The following ACTN4 variants were observed in gnomAD, a reference collection of about 807,000 sequenced individuals.
ACTN4 encodes the protein alpha-actinin-4.
ACTN4 carries 18 observed loss-of-function variants against 114.2 expected under a neutral mutation model. That is an observed-to-expected ratio of 0.16 (90% confidence interval 0.11 to 0.23). ACTN4 has a LOEUF of 0.23. Ranked by LOEUF, ACTN4 falls within the 10% of genes least tolerant of loss-of-function variation. ACTN4 has a pLI of 1.00. For synonymous variants in ACTN4, 515 were observed against 506.3 expected (o/e 1.02, Z -0.23); for missense variants, 722 against 1,262.9 (o/e 0.57, Z 6.49).
At chr19:38,659,259 C>T (rs916444298) in intron 1 of ACTN4, among the ~76,000 whole-genome samples, 5 of 151,926 alleles carry the variant, frequency 3.3e-5, no homozygotes, top group Admixed American at 1.3e-4. Context: ...CGGAGTTTCA[C>T]CATGTTGGCC....
intron 11 of ACTN4, among the ~76,000 whole-genome samples, chr19:38,719,270 A>G (rs1030395867): frequency 1.3e-5 from 2 of 152,062 alleles, no homozygotes; most frequent in African/African-American, 4.8e-5. Flanking sequence ...CCTTCCCAAC[A>G]CAGTCTCCCT....
At chr19:38,687,902 C>CTG (rs1395926892) in intron 1 of ACTN4, among the ~76,000 whole-genome samples, 1 of 152,136 alleles carries the variant, frequency 6.6e-6, no homozygotes, top group Non-Finnish European at 1.5e-5. Context: ...ATAAAGGACT[C>CTG]TTAAATTCAA....
chr19:38,673,297 G>A (rs1334738257), intron 1 of ACTN4, among the ~76,000 whole-genome samples: 1 of 150,984 alleles, frequency 6.6e-6, no homozygotes, highest in Non-Finnish European at 1.5e-5. Flanking sequence ...TAAACAAGGT[G>A]CTGAGTAATG....
rs1599767628 is a variant in ACTN4, at chr19:38,663,677, G to A, written c.162+15770G>A. The stretch of plus-strand genomic sequence containing the variant: ...TTCTTAGCTGCCTCTTTGGAGTAGC[G>A]CTACCAGTTCCTGTCCCCATGAGCA... On this transcript the variant is annotated intron_variant, in intron 1 of 20. Coordinates refer to ENST00000252699, the MANE Select transcript of ACTN4 (RefSeq NM_004924.6). Among the ~76,000 whole-genome samples, 7 of 152,306 alleles carry A rather than the reference G, an allele frequency of 4.6e-5. 1 individual carries two copies. In the South Asian group the frequency reaches 1.5e-3, roughly 32 times the overall value.
chr19:38,727,162 A>G lies in ACTN4; in HGVS notation c.2337+59A>G, dbSNP rs1465269186. ...TCCCGCCGTTGCCGTACCAGCCCAC[A>G]CCTTCGTCTCTGCATCTGTTCGTCC... On this transcript the variant is annotated intron_variant, in intron 18 of 20. Transcript: ENST00000252699. The surrounding 1 kb of genome is among the most constrained non-coding windows in gnomAD (Gnocchi z 5.4). 7 of 1,610,770 alleles carry G rather than the reference A, an allele frequency of 4.3e-6. No homozygotes were observed. Among genetic ancestry groups the G allele is most frequent in the African/African-American group, 1.3e-5 (1 of 74,664 alleles).
intron 19 of ACTN4, among the ~76,000 whole-genome samples, 189 bp from the exon 20 acceptor site, chr19:38,728,807 G>A (rs982931745): frequency 2.0e-5 from 3 of 152,212 alleles, no homozygotes; most frequent in African/African-American, 4.8e-5. Context: ...TGGAGGCCTG[G>A]GTCAGCTGGA....
At chr19:38,662,677 G>A (rs935316461) in intron 1 of ACTN4, among the ~76,000 whole-genome samples, 4 of 152,184 alleles carry the variant, frequency 2.6e-5, no homozygotes, top group Non-Finnish European at 5.9e-5. Context: ...TGTCGGATTA[G>A]GTTGAGTCCT....
chr19:38,654,561 C>CAAAAAA (rs35967763), intron 1 of ACTN4, among the ~76,000 whole-genome samples: 1 of 96,338 alleles, frequency 1.0e-5, no homozygotes, highest in African/African-American at 4.0e-5. Context: ...GGCTCCGTCT[C>CAAAAAA]AAAAAAAAAA....
intron 13 of ACTN4, 107 bp from the exon 14 acceptor site, chr19:38,723,830 G>A: frequency 1.4e-6 from 2 of 1,479,198 alleles, no homozygotes; most frequent in Non-Finnish European, 1.9e-6. Flanking sequence ...CCCACGGAGA[G>A]GATGTTCTCT....
chr19:38,689,242 A>C lies in ACTN4; in HGVS notation c.163-11358A>C, dbSNP rs559042436. Among the ~76,000 whole-genome samples the C allele has an allele frequency of 2.6e-5, 4 of 152,388 alleles. No homozygotes were observed. In the South Asian group the frequency reaches 8.3e-4, roughly 32 times the overall value. ...ATATCCATACAATGGAATGTTATTCAGACAGGAACGAAGTACTGGTACATG... is the reference window on the plus strand; with the variant it reads ...ATATCCATACAATGGAATGTTATTCCGACAGGAACGAAGTACTGGTACATG... On this transcript the variant is annotated intron_variant, in intron 1 of 20. Coordinates refer to ENST00000252699, the MANE Select transcript of ACTN4 (RefSeq NM_004924.6).
intron 1 of ACTN4, among the ~76,000 whole-genome samples, chr19:38,677,093 A>G (rs1352403073): frequency 6.6e-6 from 1 of 152,024 alleles, no homozygotes; most frequent in African/African-American, 2.4e-5. Flanking sequence ...CTTTCGCCTC[A>G]GCTCGCCACC....
chr19:38,693,271 AC>A lies in ACTN4; in HGVS notation c.163-7325del, dbSNP rs147136867. On this transcript the variant is annotated intron_variant, in intron 1 of 20. Transcript: ENST00000252699. ...TACACAGTGCAGAGCCGGCATGCTCACCCCTCCTGAGGGATCGCTCGAGCCT... is the reference window on the plus strand; with the variant it reads ...TACACAGTGCAGAGCCGGCATGCTCACCCTCCTGAGGGATCGCTCGAGCCT... Among the ~76,000 whole-genome samples, 248 of 150,398 alleles carry A rather than the reference AC, an allele frequency of 1.6e-3. 1 individual carries two copies. The highest frequency in any genetic ancestry group is 5.9e-3 in the African/African-American group (239 of 40,798).
chr19:38,661,573 T>A (rs1479656967), intron 1 of ACTN4, among the ~76,000 whole-genome samples: 2 of 152,234 alleles, frequency 1.3e-5, no homozygotes, highest in Non-Finnish European at 2.9e-5. Flanking sequence ...ATGTTGAGTC[T>A]CCTTCTTTGA....
In ACTN4 at chr19:38,730,232, A is replaced by C. The variant is rs1446735723; in HGVS notation, c.*800A>C. On this transcript the variant is annotated 3_prime_UTR_variant, in exon 21 of 21. Transcript: ENST00000252699. ...CTTTATTAACTTACGGATTTATTAT[A>C]TAAATATATATTCACCTAGCAACAT... 5 of 157,390 alleles carry C rather than the reference A, an allele frequency of 3.2e-5. No individual in the cohort carries two copies. Among genetic ancestry groups the C allele is most frequent in the African/African-American group, 1.2e-4 (5 of 41,388 alleles). 9.7% of individuals were successfully genotyped at this position (157,390 alleles called of 1,614,324 possible). A position where few individuals can be genotyped will look rare whatever the true frequency, so the allele number is the denominator to read the frequency against.
At chr19:38,722,825 A>G (rs1311245521) in intron 12 of ACTN4, among the ~76,000 whole-genome samples, 1 of 152,104 alleles carries the variant, frequency 6.6e-6, no homozygotes, top group Non-Finnish European at 1.5e-5. Context: ...GGGCAAAGCT[A>G]TGTGAAACCC....
intron 12 of ACTN4, among the ~76,000 whole-genome samples, chr19:38,722,857 C>T (rs888841358): frequency 2.0e-5 from 3 of 152,098 alleles, no homozygotes; most frequent in East Asian, 1.9e-4. Context: ...CAGGAACAGG[C>T]GGTCCCCGAA....
At chr19:38,651,113 G>C (rs920394998) in intron 1 of ACTN4, among the ~76,000 whole-genome samples, 11 of 152,192 alleles carry the variant, frequency 7.2e-5, no homozygotes, top group African/African-American at 2.7e-4. Flanking sequence ...CTGAGCCACT[G>C]GGCACGGGAA....
rs1313522065 is a variant in ACTN4 at position 38,675,345 on chromosome 19, A to C, written c.163-25255A>C. ...CACCCAAGTGGGATCACAGTGGTAC[A>C]ATCATGGCTCATTGCAGCCTTAACC... On this transcript the variant is annotated intron_variant, in intron 1 of 20. Transcript: ENST00000252699. Among the ~76,000 whole-genome samples the C allele has an allele frequency of 5.9e-5, 9 of 152,304 alleles. No individual in the cohort carries two copies. The South Asian group carries it at 1.7e-3, about 28-fold the overall frequency.
intron 1 of ACTN4, among the ~76,000 whole-genome samples, chr19:38,682,146 T>C (rs973235868): frequency 5.9e-5 from 9 of 152,116 alleles, no homozygotes; most frequent in Non-Finnish European, 1.3e-4. Flanking sequence ...GATTTCAGAT[T>C]TAAAGCAAAG....
Sources: allele counts gnomAD v4.1 joint callset (sites outside exome capture counted in the v4.1 genomes callset), GRCh38; gene constraint gnomAD v4.1.1; non-coding constraint Gnocchi (gnomAD v3.1); transcripts MANE v1.5; gene names NCBI Gene and HGNC (gene_info 2026-07-23, HGNC 2026-07-21).